Variants in MAPRE2 observed in about 807,000 individuals in gnomAD.
MAPRE2 encodes microtubule-associated protein RP/EB family member 2.
Under a neutral mutation model 43.2 loss-of-function variants are expected in MAPRE2, and 13 were observed. That is an observed-to-expected ratio of 0.30 (90% CI 0.20 to 0.48). MAPRE2 has a LOEUF of 0.48. MAPRE2 is among the 20% of genes least tolerant of loss of function. MAPRE2 has a pLI of 0.99. For synonymous variants in MAPRE2, 135 were observed against 148.8 expected (o/e 0.91, Z 0.68); for missense variants, 161 against 400.2 (o/e 0.40, Z 5.10).
chr18:35,060,559 A>G (rs1011502505), intron 1 of MAPRE2, among the ~76,000 whole-genome samples: 1 of 152,208 alleles, frequency 6.6e-6, no homozygotes, highest in Non-Finnish European at 1.5e-5. Context: ...CATGGACGTT[A>G]TGAATGCTAC....
intron 1 of MAPRE2, among the ~76,000 whole-genome samples, chr18:35,067,062 C>G (rs143406154): frequency 6.6e-6 from 1 of 152,182 alleles, no homozygotes; most frequent in African/African-American, 2.4e-5. Context: ...CTTAATCTGT[C>G]TTCTAAACTA....
At chr18:34,993,053 G>A (rs1161645914) in intron 1 of MAPRE2, among the ~76,000 whole-genome samples, 1 of 152,106 alleles carries the variant, frequency 6.6e-6, no homozygotes, top group Non-Finnish European at 1.5e-5. Flanking sequence ...AGACACTAAG[G>A]CCTGAATCTT....
intron 1 of MAPRE2, among the ~76,000 whole-genome samples, chr18:35,000,339 A>C (rs781463453): frequency 3.7e-4 from 57 of 152,242 alleles, no homozygotes; most frequent in Non-Finnish European, 6.9e-4. Flanking sequence ...AACACATAGC[A>C]ATGAAGAAAG....
At chr18:35,012,660 T>C (rs2097035522) in intron 2 of MAPRE2, among the ~76,000 whole-genome samples, 1 of 152,200 alleles carries the variant, frequency 6.6e-6, no homozygotes, top group Non-Finnish European at 1.5e-5. Flanking sequence ...ACAAATACTG[T>C]ATGATTCCAC....
At chr18:35,083,490 G>C (rs536283737) in intron 2 of MAPRE2, among the ~76,000 whole-genome samples, 5 of 152,236 alleles carry the variant, frequency 3.3e-5, no homozygotes, top group Non-Finnish European at 7.3e-5. Context: ...TCCACTCTCA[G>C]ACTCTAGCCT....
intron 1 of MAPRE2, among the ~76,000 whole-genome samples, chr18:35,061,350 T>C (rs544008026): frequency 3.3e-5 from 5 of 152,170 alleles, no homozygotes; most frequent in African/African-American, 4.8e-5. Flanking sequence ...GAGAAAAAAA[T>C]AGTATATTTC....
chr18:34,989,704 T>C (rs565488990), intron 1 of MAPRE2, among the ~76,000 whole-genome samples: 1 of 151,718 alleles, frequency 6.6e-6, no homozygotes, highest in Non-Finnish European at 1.5e-5. Flanking sequence ...GAGTGAGACA[T>C]TCCCTCTCTC....
At chr18:34,995,447 A>G (rs1317764054) in intron 1 of MAPRE2, among the ~76,000 whole-genome samples, 1 of 152,244 alleles carries the variant, frequency 6.6e-6, no homozygotes, top group Non-Finnish European at 1.5e-5. Flanking sequence ...AGATCCAGAG[A>G]CAGCCATTTG....
At chr18:34,985,315 A>T (rs182989885) in intron 1 of MAPRE2, among the ~76,000 whole-genome samples, 2,806 of 9,118 alleles carry the variant, frequency 0.31, 493 homozygotes, top group East Asian at 0.51. Flanking sequence ...TATATATTAT[A>T]TTATATATAT....
At chr18:35,000,331 C>A (rs2097028686) in intron 1 of MAPRE2, among the ~76,000 whole-genome samples, 1 of 152,168 alleles carries the variant, frequency 6.6e-6, no homozygotes, top group Admixed American at 6.5e-5. Flanking sequence ...ACTGGTTAAA[C>A]ACATAGCAAT....
At chr18:34,996,944 G>A (rs1166047262) in intron 1 of MAPRE2, among the ~76,000 whole-genome samples, 1 of 152,126 alleles carries the variant, frequency 6.6e-6, no homozygotes, top group Non-Finnish European at 1.5e-5. Flanking sequence ...CCCTTTACTA[G>A]CTGTGTGATC....
intron 1 of MAPRE2, among the ~76,000 whole-genome samples, chr18:34,989,668 G>T (rs1342828670): frequency 6.6e-6 from 1 of 151,988 alleles, no homozygotes; most frequent in East Asian, 1.9e-4. Flanking sequence ...CTATGATCAC[G>T]CTACTGCACT....
At chr18:35,131,160 C>T (rs758060772) in intron 5 of MAPRE2, among the ~76,000 whole-genome samples, 3 of 152,172 alleles carry the variant, frequency 2.0e-5, no homozygotes, top group Non-Finnish European at 4.4e-5. Context: ...CCCTGGAGAG[C>T]GTTTGTCTAA....
chr18:35,139,314 C>G (rs1251702630), intron 6 of MAPRE2, among the ~76,000 whole-genome samples: 1 of 152,200 alleles, frequency 6.6e-6, no homozygotes, highest in African/African-American at 2.4e-5. Flanking sequence ...ATCACAGAAG[C>G]TGTGTGCCCT....
chr18:35,132,261 C>T, intron 6 of MAPRE2, 71 bp downstream of exon 6: 4 of 1,445,414 alleles, frequency 2.8e-6, no homozygotes, highest in South Asian at 1.2e-5. Flanking sequence ...TAGATCAGCA[C>T]TCCTTAGAAT....
At chr18:34,990,325 T>C (rs1465869684) in intron 1 of MAPRE2, among the ~76,000 whole-genome samples, 2 of 152,184 alleles carry the variant, frequency 1.3e-5, no homozygotes, top group Non-Finnish European at 2.9e-5. Flanking sequence ...CTGGGAGGGA[T>C]GGCATTTGAG....
intron 2 of MAPRE2, among the ~76,000 whole-genome samples, chr18:35,035,579 T>C (rs2097050132): frequency 1.3e-5 from 2 of 151,914 alleles, no homozygotes; most frequent in African/African-American, 4.8e-5. Flanking sequence ...TCAGTAGTTA[T>C]TGATGTGTCT....
At chr18:35,085,045 A>T (rs1568997664) in intron 2 of MAPRE2, among the ~76,000 whole-genome samples, 2 of 152,330 alleles carry the variant, frequency 1.3e-5, no homozygotes, top group East Asian at 3.9e-4. Flanking sequence ...CTACTAATTT[A>T]ATCAGATTTT....
chr18:34,985,664 TA>T (rs1340029883), intron 1 of MAPRE2, among the ~76,000 whole-genome samples: 42 of 101,898 alleles, frequency 4.1e-4, no homozygotes, highest in East Asian at 1.4e-3. Context: ...TGATATATTA[TA>T]ATAATATATA....
Sources: allele counts gnomAD v4.1 joint callset (sites outside exome capture counted in the v4.1 genomes callset), GRCh38; gene constraint gnomAD v4.1.1; transcripts MANE v1.5; gene names NCBI Gene and HGNC (gene_info 2026-07-23, HGNC 2026-07-21).